IMMP2L: variants seen among roughly 807,000 people sequenced by gnomAD.
The protein encoded by IMMP2L is mitochondrial inner membrane protease subunit 2.
IMMP2L carries 18 observed loss-of-function variants against 19.3 expected under a neutral mutation model. The ratio of observed to expected loss-of-function variants is 0.93; its 90% CI spans 0.64 to 1.38. IMMP2L has a LOEUF of 1.38. Ranked by LOEUF, IMMP2L falls within the 40% of genes most tolerant of loss-of-function variation. The probability of loss-of-function intolerance (pLI) is 0.00; values close to 1 mark genes in which losing one functional copy is unlikely to be tolerated. For missense variants in IMMP2L, 233 were observed against 218.2 expected (o/e 1.07, Z -0.43); for synonymous variants, 76 against 73.0 (o/e 1.04, Z -0.21).
chr7:110,745,974 A>G (rs1401914897), intron 5 of IMMP2L, among the ~76,000 whole-genome samples: 1 of 152,196 alleles, frequency 6.6e-6, no homozygotes, highest in Non-Finnish European at 1.5e-5. Context: ...ATGAAGAGTC[A>G]AGACCCAATG....
chr7:110,818,223 G>A (rs1230090588), intron 5 of IMMP2L, among the ~76,000 whole-genome samples: 1 of 151,964 alleles, frequency 6.6e-6, no homozygotes, highest in Non-Finnish European at 1.5e-5. Context: ...ATCTGACAAA[G>A]GGCTAATATC....
intron 3 of IMMP2L, among the ~76,000 whole-genome samples, chr7:111,248,845 T>C (rs1815696056): frequency 9.7e-5 from 2 of 20,638 alleles, no homozygotes; most frequent in African/African-American, 3.1e-4. Flanking sequence ...GGGTCAGGAG[T>C]CAGGGACCCA....
At chr7:110,832,603 C>T (rs1106774) in intron 5 of IMMP2L, among the ~76,000 whole-genome samples, 62,190 of 151,912 alleles carry the variant, frequency 0.41, 13,000 homozygotes, top group South Asian at 0.47. Context: ...AAGTCTCGAG[C>T]TATGTACCTA....
chr7:111,432,137 A>C (rs554975994), intron 3 of IMMP2L, among the ~76,000 whole-genome samples: 1 of 151,780 alleles, frequency 6.6e-6, no homozygotes, highest in African/African-American at 2.4e-5. Flanking sequence ...CTATGCCCTA[A>C]ACCTGTGGGA....
At chr7:111,083,288 A>T (rs1032457255) in intron 3 of IMMP2L, among the ~76,000 whole-genome samples, 1 of 152,218 alleles carries the variant, frequency 6.6e-6, no homozygotes, top group Non-Finnish European at 1.5e-5. Context: ...ATAATAAAAA[A>T]TTATCTCAGC....
intron 3 of IMMP2L, among the ~76,000 whole-genome samples, chr7:111,238,347 G>T (rs1271334812): frequency 2.6e-5 from 4 of 151,974 alleles, no homozygotes; most frequent in Non-Finnish European, 4.4e-5. Context: ...ATTTATGTTT[G>T]ACTTTGGGCA....
intron 3 of IMMP2L, among the ~76,000 whole-genome samples, chr7:111,018,509 C>G (rs950873129): frequency 3.3e-5 from 5 of 152,142 alleles, no homozygotes; most frequent in Non-Finnish European, 7.4e-5. Flanking sequence ...TGGTTAAGAT[C>G]TACAACGTAG....
intron 3 of IMMP2L, among the ~76,000 whole-genome samples, chr7:111,436,112 C>T (rs1242116849): frequency 9.2e-5 from 14 of 151,720 alleles, no homozygotes; most frequent in Admixed American, 9.2e-4. Context: ...GTAAAAGAGA[C>T]AACAGAGTTT....
intron 3 of IMMP2L, among the ~76,000 whole-genome samples, chr7:111,413,367 C>A (rs1485045484): frequency 1.3e-5 from 2 of 151,754 alleles, no homozygotes; most frequent in African/African-American, 2.4e-5. Context: ...ATGAAGCCAC[C>A]AAGCCTCCAA....
intron 5 of IMMP2L, among the ~76,000 whole-genome samples, chr7:110,674,285 T>A (rs191467455): frequency 6.6e-6 from 1 of 152,230 alleles, no homozygotes; most frequent in Non-Finnish European, 1.5e-5. Context: ...GGAAACTGCC[T>A]CCATGATTCA....
chr7:111,393,932 T>G (rs960164272), intron 3 of IMMP2L, among the ~76,000 whole-genome samples: 1 of 152,170 alleles, frequency 6.6e-6, no homozygotes, highest in Admixed American at 6.5e-5. Flanking sequence ...AACAGTTTCT[T>G]AACATCATAT....
chr7:110,933,612 T>A (rs973464765), intron 4 of IMMP2L, among the ~76,000 whole-genome samples: 2 of 152,222 alleles, frequency 1.3e-5, no homozygotes, highest in Non-Finnish European at 2.9e-5. Context: ...CGTTTCATCA[T>A]TGATGCTCAG....
chr7:110,784,891 C>T (rs1799966616), intron 5 of IMMP2L, among the ~76,000 whole-genome samples: 1 of 151,862 alleles, frequency 6.6e-6, no homozygotes, highest in Non-Finnish European at 1.5e-5. Context: ...CCACTCACCA[C>T]AGAGATTATA....
At chr7:111,260,353 T>A (rs79316046) in intron 3 of IMMP2L, among the ~76,000 whole-genome samples, 6,623 of 152,252 alleles carry the variant, frequency 0.044, 221 homozygotes, top group South Asian at 0.082. Flanking sequence ...GGGACCACCA[T>A]CATACATGCA....
chr7:111,474,569 T>C (rs1486622129), intron 3 of IMMP2L, among the ~76,000 whole-genome samples: 2 of 152,102 alleles, frequency 1.3e-5, no homozygotes, highest in Non-Finnish European at 2.9e-5. Flanking sequence ...TTCTTCCTTT[T>C]TGTTAAACTG....
intron 3 of IMMP2L, among the ~76,000 whole-genome samples, chr7:111,076,390 A>C (rs879278260): frequency 2.0e-5 from 3 of 152,154 alleles, no homozygotes; most frequent in Admixed American, 1.3e-4. Flanking sequence ...GGTTGGTAAC[A>C]TTTTTGTGGA....
intron 5 of IMMP2L, among the ~76,000 whole-genome samples, chr7:110,684,077 A>G (rs188266359): frequency 9.0e-4 from 137 of 152,248 alleles, no homozygotes; most frequent in African/African-American, 3.2e-3. Context: ...GAAAGTTAAT[A>G]GTAGATTATT....
intron 5 of IMMP2L, among the ~76,000 whole-genome samples, chr7:110,696,740 T>A (rs2130597928): frequency 6.6e-6 from 1 of 152,240 alleles, no homozygotes; most frequent in South Asian, 2.1e-4. Flanking sequence ...ATTGAGACAT[T>A]TCTGTGGTAT....
chr7:110,888,235 A>C (rs948603861), intron 4 of IMMP2L, among the ~76,000 whole-genome samples: 1 of 152,216 alleles, frequency 6.6e-6, no homozygotes, highest in Non-Finnish European at 1.5e-5. Flanking sequence ...TATACTCTGT[A>C]ATATAAGTGT....
Sources: gnomAD v4.1 joint callset for allele counts (sites outside exome capture counted in the v4.1 genomes callset) on GRCh38, gnomAD v4.1.1 for gene constraint, MANE v1.5 for transcripts, NCBI Gene and HGNC (gene_info 2026-07-23, HGNC 2026-07-21) for gene names.